PIK3R1: variants seen among roughly 807,000 people sequenced by gnomAD.
The protein encoded by PIK3R1 is phosphoinositide-3-kinase regulatory subunit 1.
In PIK3R1, 29 loss-of-function variants were observed where a neutral mutation model predicts 98.0. That is an observed-to-expected ratio of 0.30 (90% CI 0.22 to 0.40). The LOEUF (loss-of-function observed/expected upper bound fraction) is 0.40. PIK3R1 is among the 10% of genes least tolerant of loss of function. The pLI is 1.00. For synonymous variants in PIK3R1, 282 were observed against 311.8 expected, an observed-to-expected ratio of 0.90 and a Z score of 1.01; for missense variants, 596 against 872.7, an observed-to-expected ratio of 0.68 and a Z score of 3.99.
At chr5:68,242,295 A>G (rs1056191627) in intron 2 of PIK3R1, among the ~76,000 whole-genome samples, 1 of 152,230 alleles carries the variant, frequency 6.6e-6, no homozygotes, top group Non-Finnish European at 1.5e-5. Context: ...ACATGGATCA[A>G]GTGTCTGAAG....
chr5:68,289,535 A>G (rs1043838905), intron 7 of PIK3R1, among the ~76,000 whole-genome samples: 3 of 151,956 alleles, frequency 2.0e-5, no homozygotes, highest in Admixed American at 1.3e-4. Flanking sequence ...TTTTTAAATG[A>G]GCCACATTTA....
chr5:68,219,555 A>C (rs1290743428), intron 1 of PIK3R1, among the ~76,000 whole-genome samples: 1 of 152,212 alleles, frequency 6.6e-6, no homozygotes, highest in Non-Finnish European at 1.5e-5. Flanking sequence ...ACACATGTAC[A>C]CATCCCTTGG....
intron 11 of PIK3R1, 47 bp from the exon 12 acceptor site, chr5:68,294,488 AT>A (rs1388694891): frequency 6.9e-7 from 1 of 1,453,180 alleles, no homozygotes; most frequent in Admixed American, 1.9e-5. Context: ...GCAGTAAGAG[AT>A]TGTTCTATGA....
At chr5:68,277,962 C>A (rs182614743) in intron 4 of PIK3R1, among the ~76,000 whole-genome samples, 4 of 152,234 alleles carry the variant, frequency 2.6e-5, no homozygotes, top group Admixed American at 6.5e-5. Context: ...GTACACAAGT[C>A]CCCAGATTAC....
At chr5:68,234,457 C>T (rs1298250671) in intron 2 of PIK3R1, among the ~76,000 whole-genome samples, 2 of 152,168 alleles carry the variant, frequency 1.3e-5, no homozygotes, top group Non-Finnish European at 2.9e-5. Context: ...GAGACTGGTC[C>T]ATGGATTGTA....
At chr5:68,292,230 G>A (rs1363507715) in intron 7 of PIK3R1, 29 bp from the exon 8 acceptor site, 6 of 1,446,792 alleles carry the variant, frequency 4.1e-6, no homozygotes, top group Non-Finnish European at 5.8e-6. Flanking sequence ...AGTTGGGATT[G>A]CGAACAACTT....
At chr5:68,216,956 AT>A (rs1346120209) in intron 1 of PIK3R1, among the ~76,000 whole-genome samples, 1 of 152,040 alleles carries the variant, frequency 6.6e-6, no homozygotes, top group African/African-American at 2.4e-5. Flanking sequence ...GTTTGGGGGA[AT>A]TCTTCTGTTT....
At chr5:68,294,211 A>G (rs1244420045) in intron 11 of PIK3R1, among the ~76,000 whole-genome samples, 1 of 152,234 alleles carries the variant, frequency 6.6e-6, no homozygotes, top group Non-Finnish European at 1.5e-5. Context: ...AGGGCTATAT[A>G]CTGCTGTGCT....
intron 2 of PIK3R1, among the ~76,000 whole-genome samples, chr5:68,258,407 C>T (rs1411988618): frequency 6.6e-6 from 1 of 152,182 alleles, no homozygotes; most frequent in African/African-American, 2.4e-5. Flanking sequence ...AGAAAAGCAG[C>T]TCCTTAAGGT....
intron 2 of PIK3R1, among the ~76,000 whole-genome samples, chr5:68,252,032 T>G (rs1745330611): frequency 6.6e-6 from 1 of 152,148 alleles, no homozygotes; most frequent in African/African-American, 2.4e-5. Context: ...GACCTTTCTG[T>G]CTGCCAAGTG....
intron 2 of PIK3R1, among the ~76,000 whole-genome samples, chr5:68,250,458 C>T (rs1456861179): frequency 1.3e-5 from 2 of 152,152 alleles, no homozygotes; most frequent in South Asian, 2.1e-4. Flanking sequence ...TTCCATTGGC[C>T]TTGATAGACT....
rs1747886472 is a variant in PIK3R1 at position 68,298,962 on chromosome 5, T to A, written c.*1361T>A. The stretch of plus-strand genomic sequence containing the variant: ...TTCTCATGATTTACAGAGAAGTGAA[T>A]AACTGCAAAGTGAAGTTGCTTCTTC... On this transcript the variant is annotated 3_prime_UTR_variant, in exon 16 of 16. Transcript: ENST00000521381. 2 of 233,542 alleles carry A rather than the reference T, an allele frequency of 8.6e-6. No individual in the cohort carries two copies. Among genetic ancestry groups the A allele is most frequent in the Non-Finnish European group, 8.5e-6 (1 of 117,938 alleles). 14.5% of individuals were successfully genotyped at this position (233,542 alleles called of 1,614,324 possible). A position where few individuals can be genotyped will look rare whatever the true frequency, so the allele number is the denominator to read the frequency against.
intron 7 of PIK3R1, chr5:68,288,652 T>A (rs954051368): frequency 2.1e-5 from 33 of 1,604,716 alleles, no homozygotes; most frequent in Admixed American, 8.4e-5. Flanking sequence ...GTGCGGGGGC[T>A]TGGCCCACTT....
intron 1 of PIK3R1, among the ~76,000 whole-genome samples, chr5:68,218,038 T>C (rs1743966341): frequency 6.6e-6 from 1 of 152,250 alleles, no homozygotes; most frequent in African/African-American, 2.4e-5. Context: ...TTCCTATCCA[T>C]GATGCTGTAT....
At chr5:68,269,932 C>T (rs1299867480) in intron 2 of PIK3R1, among the ~76,000 whole-genome samples, 2 of 151,784 alleles carry the variant, frequency 1.3e-5, no homozygotes, top group African/African-American at 2.4e-5. Context: ...ACTCCAGTTG[C>T]AAAATCCTGA....
chr5:68,245,822 G>C (rs1745062249), intron 2 of PIK3R1, among the ~76,000 whole-genome samples: 1 of 152,206 alleles, frequency 6.6e-6, no homozygotes, highest in Non-Finnish European at 1.5e-5. Flanking sequence ...ATATGAAGCA[G>C]TGTTTTATGG....
intron 2 of PIK3R1, among the ~76,000 whole-genome samples, chr5:68,249,477 TA>T (rs1431275076): frequency 6.6e-6 from 1 of 152,248 alleles, no homozygotes; most frequent in Non-Finnish European, 1.5e-5. Context: ...TACCCTGCAC[TA>T]AGTGGTCCTA....
chr5:68,266,017 C>G (rs1421875701), intron 2 of PIK3R1, among the ~76,000 whole-genome samples: 1 of 152,132 alleles, frequency 6.6e-6, no homozygotes, highest in Non-Finnish European at 1.5e-5. Flanking sequence ...TTGGCAGTTT[C>G]TCTCTCTCTA....
chr5:68,292,070 CT>C, intron 7 of PIK3R1, 188 bp from the exon 8 acceptor site: 1 of 421,096 alleles, frequency 2.4e-6, no homozygotes. Context: ...AGTTTCATTT[CT>C]TTTTGAGCCA....
Sources: gnomAD v4.1 joint callset for allele counts (sites outside exome capture counted in the v4.1 genomes callset) on GRCh38, gnomAD v4.1.1 for gene constraint, MANE v1.5 for transcripts, NCBI Gene and HGNC (gene_info 2026-07-23, HGNC 2026-07-21) for gene names.